Variants in FER observed in about 807,000 individuals in gnomAD.
FER encodes FER tyrosine kinase.
Under a neutral mutation model 111.0 loss-of-function variants are expected in FER, and 63 were observed. The ratio of observed to expected loss-of-function variants is 0.57; its 90% CI spans 0.46 to 0.70. The LOEUF (loss-of-function observed/expected upper bound fraction) is 0.70. Among genes scored for constraint, FER ranks in the 30% least tolerant of loss-of-function variants. The probability of loss-of-function intolerance (pLI) is 0.00; values close to 1 mark genes in which losing one functional copy is unlikely to be tolerated. For missense variants in FER, 914 were observed against 954.0 expected (o/e 0.96, Z 0.55); for synonymous variants, 327 against 313.9 (o/e 1.04, Z -0.44).
intron 2 of FER, among the ~76,000 whole-genome samples, chr5:108,788,529 A>G (rs1229836927): frequency 1.5e-5 from 2 of 134,954 alleles, no homozygotes; most frequent in African/African-American, 6.6e-5. Context: ...CTGCGACACT[A>G]ATATCTTTTT....
chr5:109,007,598 A>T (rs1330373110), intron 13 of FER, among the ~76,000 whole-genome samples: 2 of 152,208 alleles, frequency 1.3e-5, no homozygotes, highest in African/African-American at 4.8e-5. Context: ...TGTTGCACAA[A>T]TCAGTAATTT....
rs1302771910 is a variant in FER at position 108,844,750 on chromosome 5, A to G, written c.481+8943A>G. On this transcript the variant is annotated intron_variant, in intron 5 of 19. Transcript: ENST00000281092. ...ATTTCTTAGAATATTTTAAAAAGGA[A>G]CCATATAGTACACACTCTATTTTGT... is the stretch of plus-strand genomic sequence containing the variant. Among the ~76,000 whole-genome samples, 6 of 151,748 alleles carry G rather than the reference A, an allele frequency of 4.0e-5. No homozygotes were observed. In the East Asian group the frequency reaches 1.2e-3, roughly 29 times the overall value.
chr5:109,187,590 C>A lies in FER; in HGVS notation c.*15C>A. On this transcript the variant is annotated 3_prime_UTR_variant, in exon 20 of 20. Transcript: ENST00000281092. Reference sequence around the variant, plus strand: ...AACTCACATAGTGACAGGATGGCGCCAAACTCAGCCTTCAGGACTCTGTCC... The same window carrying A: ...AACTCACATAGTGACAGGATGGCGCAAAACTCAGCCTTCAGGACTCTGTCC... The A allele has an allele frequency of 6.2e-7, 1 of 1,613,900 alleles. No homozygotes were observed. Among genetic ancestry groups the A allele is most frequent in the Non-Finnish European group, 8.5e-7 (1 of 1,179,920 alleles).
rs374339249 is a variant in FER, at chr5:108,862,505, G to A, written c.482-5262G>A. Among the ~76,000 whole-genome samples, 40 of 152,162 alleles carry A rather than the reference G, an allele frequency of 2.6e-4. No homozygotes were observed. In the South Asian group the frequency reaches 8.3e-3, roughly 32 times the overall value. On this transcript the variant is annotated intron_variant, in intron 5 of 19. Coordinates refer to ENST00000281092, the MANE Select transcript of FER (RefSeq NM_005246.4). ...GTAGAGAGATTGTCTTCTGAAGTTA[G>A]ACTAAAAAATTCAGGGAATTAATTA...
chr5:108,835,757 T>C lies in FER; in HGVS notation c.431T>C (p.Ile144Thr). The C allele has an allele frequency of 6.4e-7, 1 of 1,571,450 alleles. No individual in the cohort carries two copies. Among genetic ancestry groups the C allele is most frequent in the Middle Eastern group, 1.7e-4 (1 of 5,922 alleles). Reference protein sequence around the residue: ...EKLKCSYRQLIKEMNSAKEKY... With the variant: ...EKLKCSYRQLTKEMNSAKEKY... ...TTAAAATGCAGCTATAGACAATTAA[T>C]AAAAGAAATGAATTCTGCCAAAGAG... The change falls in exon 5 of 20, where the codon ATA becomes ACA. Residue 144 changes from isoleucine to threonine, a missense_variant. By Grantham distance (89) the Ile-to-Thr change is moderately conservative. Transcript: ENST00000281092.
chr5:108,865,772 G>A (rs1331721168), intron 5 of FER, among the ~76,000 whole-genome samples: 17 of 152,186 alleles, frequency 1.1e-4, no homozygotes, highest in South Asian at 6.2e-4. Context: ...AAAAGTGGGC[G>A]AAGGATATGA....
At chr5:109,124,403 T>C (rs572335907) in intron 17 of FER, among the ~76,000 whole-genome samples, 1 of 152,352 alleles carries the variant, frequency 6.6e-6, no homozygotes, top group South Asian at 2.1e-4. Context: ...TTATGAACTC[T>C]TCGTGTACTT....
chr5:108,754,998 C>A (rs746289461), intron 1 of FER, among the ~76,000 whole-genome samples: 5 of 152,132 alleles, frequency 3.3e-5, no homozygotes, highest in Non-Finnish European at 7.3e-5. Flanking sequence ...TTCCTGAAAC[C>A]TTTGTGAATC....
chr5:109,146,288 A>ATATC (rs1754205237), intron 17 of FER, among the ~76,000 whole-genome samples: 1 of 115,436 alleles, frequency 8.7e-6, no homozygotes, highest in Non-Finnish European at 1.8e-5. Context: ...ATATATATAT[A>ATATC]TATCTTGGGT....
chr5:109,056,272 A>G (rs1296102787), intron 16 of FER, among the ~76,000 whole-genome samples: 3 of 152,182 alleles, frequency 2.0e-5, no homozygotes, highest in Non-Finnish European at 4.4e-5. Context: ...GTGCACTCCT[A>G]TATGTATTGC....
intron 1 of FER, among the ~76,000 whole-genome samples, chr5:108,756,574 ATTAT>A (rs980692903): frequency 5.3e-5 from 8 of 152,104 alleles, no homozygotes; most frequent in African/African-American, 1.4e-4. Context: ...GTTTCAGATA[ATTAT>A]TAATGATAAC....
intron 11 of FER, among the ~76,000 whole-genome samples, chr5:108,951,660 A>C (rs1757769503): frequency 6.6e-6 from 1 of 152,168 alleles, no homozygotes; most frequent in African/African-American, 2.4e-5. Flanking sequence ...TTGAAGTTTT[A>C]TTTAGGTTGT....
intron 11 of FER, among the ~76,000 whole-genome samples, chr5:108,946,804 G>GGTC (rs1561660451): frequency 1.3e-5 from 2 of 151,780 alleles, no homozygotes; most frequent in East Asian, 3.9e-4. Context: ...TAAAGCATTA[G>GGTC]TTCTATTTAC....
At chr5:109,077,961 CA>C (rs948908162) in intron 16 of FER, among the ~76,000 whole-genome samples, 2 of 151,874 alleles carry the variant, frequency 1.3e-5, no homozygotes, top group African/African-American at 4.8e-5. Flanking sequence ...AATTATGGAT[CA>C]AAAAGATTAT....
At chr5:108,845,837 A>G (rs775102477) in intron 5 of FER, among the ~76,000 whole-genome samples, 2 of 152,198 alleles carry the variant, frequency 1.3e-5, no homozygotes, top group African/African-American at 2.4e-5. Flanking sequence ...GGATCTTGTC[A>G]AATGCTCTTT....
intron 17 of FER, among the ~76,000 whole-genome samples, chr5:109,108,796 C>A (rs939945216): frequency 6.6e-6 from 1 of 152,116 alleles, no homozygotes; most frequent in Non-Finnish European, 1.5e-5. Flanking sequence ...CAAGTTTGAC[C>A]TTCTGGCTTG....
intron 3 of FER, among the ~76,000 whole-genome samples, chr5:108,819,147 C>T (rs1227204503): frequency 6.7e-6 from 1 of 150,010 alleles, no homozygotes; most frequent in East Asian, 2.0e-4. Flanking sequence ...TCCCGAGTAG[C>T]AGGGACTGCA....
intron 3 of FER, among the ~76,000 whole-genome samples, chr5:108,815,426 C>T (rs1397257820): frequency 6.6e-6 from 1 of 151,896 alleles, no homozygotes; most frequent in East Asian, 1.9e-4. Context: ...TGTTCTCAGA[C>T]TTTTGTATTT....
chr5:108,959,121 G>A (rs774421428), intron 12 of FER, 104 bp from the exon 13 acceptor site: 2 of 1,151,724 alleles, frequency 1.7e-6, no homozygotes, highest in Non-Finnish European at 2.4e-6. Flanking sequence ...TCACATTGTT[G>A]TGCAATTATA....
Sources: allele counts gnomAD v4.1 joint callset (sites outside exome capture counted in the v4.1 genomes callset), GRCh38; gene constraint gnomAD v4.1.1; transcripts MANE v1.5; gene names NCBI Gene and HGNC (gene_info 2026-07-23, HGNC 2026-07-21).